Variants in STOX2 observed in about 807,000 individuals in gnomAD.
STOX2 encodes storkhead box 2, also known as storkhead-box protein 2.
A neutral mutation model predicts 60.9 loss-of-function variants in STOX2; 28 were observed. That is an observed-to-expected ratio of 0.46 (90% CI 0.34 to 0.63). The LOEUF is 0.63. Ranked by LOEUF, STOX2 falls within the 30% of genes least tolerant of loss-of-function variation. The pLI is 0.01. For synonymous variants in STOX2, 472 were observed against 463.9 expected, an observed-to-expected ratio of 1.02 and a Z score of -0.22; for missense variants, 1,024 against 1,187.7, an observed-to-expected ratio of 0.86 and a Z score of 2.03.
At chr4:183,920,104 CTTATTTTTATTTATTT>C (rs1742060294) in intron 1 of STOX2, among the ~76,000 whole-genome samples, 1 of 151,972 alleles carries the variant, frequency 6.6e-6, no homozygotes, top group African/African-American at 2.4e-5. Context: ...AAAATAACTT[CTTATTTTTATTTATTT>C]TTATTTTTAT....
rs1739303140 is a variant in STOX2 at position 183,821,541 on chromosome 4, C to T, written c.364+23486C>T. 6.6e-6 allele frequency among the ~76,000 whole-genome samples: 1 copy of T among 152,232 alleles called. No individual in the cohort carries two copies. Among genetic ancestry groups the T allele is most frequent in the Non-Finnish European group, 1.5e-5 (1 of 68,028 alleles). ...AACCCTTGCTGCGAAGGTCATTGCT[C>T]ACAGCTCCCCATCTTGCTGTGTCCT... On this transcript the variant is annotated intron_variant, in intron 1 of 2. Coordinates refer to the STOX2 transcript ENST00000513034. This position sits in a 1 kb window ranked among gnomAD's most constrained non-coding sequence, Gnocchi z 4.2.
chr4:183,963,659 C>T (rs1404495561), intron 1 of STOX2, among the ~76,000 whole-genome samples: 1 of 151,996 alleles, frequency 6.6e-6, no homozygotes, highest in South Asian at 2.1e-4. Context: ...CTCCTGACCT[C>T]AGGTGATCCG....
chr4:183,816,186 G>A (rs1424308586), intron 1 of STOX2, among the ~76,000 whole-genome samples: 2 of 152,184 alleles, frequency 1.3e-5, no homozygotes, highest in Non-Finnish European at 2.9e-5. Context: ...TTTAAAAGCT[G>A]AGCAGTGGTG....
chr4:183,963,615 G>A (rs1346326496), intron 1 of STOX2, among the ~76,000 whole-genome samples: 4 of 151,020 alleles, frequency 2.6e-5, no homozygotes, highest in South Asian at 2.1e-4. Context: ...TAGTAGAGAC[G>A]GGGTTTCACC....
chr4:183,904,285 G>A (rs1309073388), upstream of STOX2, among the ~76,000 whole-genome samples: 3 of 152,240 alleles, frequency 2.0e-5, no homozygotes, highest in East Asian at 1.9e-4. Context: ...GAAGCTGCAC[G>A]GGGTCCGTAA....
At chr4:183,873,446 C>A (rs1438832140) in intron 1 of STOX2, among the ~76,000 whole-genome samples, 374 of 111,964 alleles carry the variant, frequency 3.3e-3, no homozygotes, top group Non-Finnish European at 3.4e-3. Context: ...AACTCTGTCT[C>A]AAAAAAAAAA....
intron 1 of STOX2, among the ~76,000 whole-genome samples, chr4:183,811,955 ACAGGG>A (rs1443448689): frequency 7.7e-5 from 9 of 117,618 alleles, no homozygotes; most frequent in African/African-American, 2.7e-4. Context: ...TTTTTTTGAG[ACAGGG>A]TCTCACTCTC....
At chr4:183,928,827 A>C (rs940426449) in intron 1 of STOX2, among the ~76,000 whole-genome samples, 2 of 152,222 alleles carry the variant, frequency 1.3e-5, no homozygotes, top group South Asian at 2.1e-4. Context: ...AACAAAAAAA[A>C]AACAACAAAA....
intron 1 of STOX2, among the ~76,000 whole-genome samples, chr4:183,891,360 A>T (rs1464884518): frequency 9.7e-4 from 1 of 1,036 alleles, no homozygotes. Flanking sequence ...GATGGAATTT[A>T]TATATATATA....
At chr4:183,962,519 C>A (rs1301089245) in intron 1 of STOX2, among the ~76,000 whole-genome samples, 1 of 152,036 alleles carries the variant, frequency 6.6e-6, no homozygotes, top group Non-Finnish European at 1.5e-5. Flanking sequence ...ATTTCATGAG[C>A]TTTTTACTAT....
At chr4:183,951,720 A>T (rs530379812) in intron 1 of STOX2, among the ~76,000 whole-genome samples, 1 of 152,218 alleles carries the variant, frequency 6.6e-6, no homozygotes, top group Non-Finnish European at 1.5e-5. Context: ...CAGGCAGATC[A>T]CAAGGTCAGG....
chr4:183,810,632 CA>C (rs1739013475), intron 1 of STOX2, among the ~76,000 whole-genome samples: 1 of 152,172 alleles, frequency 6.6e-6, no homozygotes, highest in Non-Finnish European at 1.5e-5. Flanking sequence ...GGTGATTAGG[CA>C]ATGAGTCCTT....
intron 1 of STOX2, among the ~76,000 whole-genome samples, chr4:183,928,369 A>G (rs1359979489): frequency 6.6e-6 from 1 of 152,160 alleles, no homozygotes; most frequent in Non-Finnish European, 1.5e-5. Flanking sequence ...CAGCAAAAAA[A>G]CCACACAAAC....
intron 1 of STOX2, among the ~76,000 whole-genome samples, chr4:183,949,420 C>G (rs1056831653): frequency 1.3e-5 from 2 of 152,126 alleles, no homozygotes; most frequent in African/African-American, 4.8e-5. Context: ...TTAATTTAGG[C>G]CAGGCGTGGT....
At chr4:183,911,869 A>C (rs1741790436) in intron 1 of STOX2, among the ~76,000 whole-genome samples, 1 of 152,230 alleles carries the variant, frequency 6.6e-6, no homozygotes, top group Non-Finnish European at 1.5e-5. Flanking sequence ...AGAGTGTGTG[A>C]TGCCTAATCT....
At chr4:183,870,700 T>C (rs7670894) in intron 1 of STOX2, among the ~76,000 whole-genome samples, 148,674 of 152,322 alleles carry the variant, frequency 0.98, 72,657 homozygotes, top group East Asian at 1. Flanking sequence ...TTTTCATAGC[T>C]GCTTTGTCTT....
At chr4:183,957,148 T>TATAATAATAATAATA (rs57935070) in intron 1 of STOX2, among the ~76,000 whole-genome samples, 65 of 142,760 alleles carry the variant, frequency 4.6e-4, no homozygotes, top group South Asian at 1.6e-3. Flanking sequence ...AAACTTAAAG[T>TATAATAATAATAATA]ATAATAATAA....
chr4:184,011,952 C>G lies in STOX2; in HGVS notation c.2585+529C>G, dbSNP rs1369517267. Among the ~76,000 whole-genome samples the G allele has an allele frequency of 6.6e-6, 1 of 152,194 alleles. No homozygotes were observed. Among genetic ancestry groups the G allele is most frequent in the African/African-American group, 2.4e-5 (1 of 41,444 alleles). Reference sequence around the variant, plus strand: ...CCACTATTCTGTGCAGCCTGTCCCTCTGGCTCACACACCTTCCTTTCACTG... The same window carrying G: ...CCACTATTCTGTGCAGCCTGTCCCTGTGGCTCACACACCTTCCTTTCACTG... On this transcript the variant is annotated intron_variant, in intron 3 of 3. Transcript: ENST00000308497. The surrounding 1 kb of genome is among the most constrained non-coding windows in gnomAD (Gnocchi z 4.4).
At chr4:184,016,243 C>A (rs1734370467) in intron 3 of STOX2, 1 of 152,108 alleles carries the variant, frequency 6.6e-6, no homozygotes, top group African/African-American at 2.4e-5. Context: ...TGTCTGTGGT[C>A]CCAGCTACTC....
Sources: allele counts gnomAD v4.1 joint callset (sites outside exome capture counted in the v4.1 genomes callset), GRCh38; gene constraint gnomAD v4.1.1; non-coding constraint Gnocchi (gnomAD v3.1); transcripts MANE v1.5; gene names NCBI Gene and HGNC (gene_info 2026-07-23, HGNC 2026-07-21).